The following ENPP3 variants were observed in gnomAD, a reference collection of about 807,000 sequenced individuals.
ENPP3 encodes the protein ectonucleotide pyrophosphatase/phosphodiesterase family member 3.
In ENPP3, 104 loss-of-function variants were observed where a neutral mutation model predicts 117.8. The ratio of observed to expected loss-of-function variants is 0.88; its 90% confidence interval spans 0.75 to 1.04. The LOEUF (loss-of-function observed/expected upper bound fraction) is 1.04. Among genes scored for constraint, ENPP3 ranks in the 50% least tolerant of loss-of-function variants. The pLI is 0.00. For missense variants in ENPP3, 1,026 were observed against 1,051.9 expected, an observed-to-expected ratio of 0.98 and a Z score of 0.34; for synonymous variants, 380 against 349.9, an observed-to-expected ratio of 1.09 and a Z score of -0.96.
intron 11 of ENPP3, among the ~76,000 whole-genome samples, chr6:131,681,612 G>A (rs1397414854): frequency 6.6e-6 from 1 of 151,752 alleles, no homozygotes; most frequent in Non-Finnish European, 1.5e-5. Flanking sequence ...AAACACAAAG[G>A]CAGTGAGTAT....
Position 131,676,779 on chromosome 6 carries a change from C to T in ENPP3, c.916C>T (p.Leu306=), listed in dbSNP as rs567621729. 4.5e-5 allele frequency: 72 copies of T among 1,610,582 alleles called. No individual in the cohort carries two copies. In the Admixed American group the frequency reaches 1.1e-3, roughly 24 times the overall value. ...GAGGATTTCTACACTGTTAAAATGG[C>T]TGGACCTGCCCAAAGCTGAAAGGTA... The part of the protein sequence containing the change: ...EERISTLLKW[L]DLPKAERPRF... The change falls in exon 10 of 25, where the codon CTG becomes TTG. Residue 306 remains leucine, a synonymous_variant. Transcript: ENST00000357639.
intron 6 of ENPP3, among the ~76,000 whole-genome samples, chr6:131,662,241 T>C (rs1778518049): frequency 6.6e-6 from 1 of 151,930 alleles, no homozygotes; most frequent in African/African-American, 2.4e-5. Flanking sequence ...ATTTCTGAGA[T>C]CTCTATTCTT....
At chr6:131,745,765 A>G (rs1468240329) in intron 24 of ENPP3, among the ~76,000 whole-genome samples, 3 of 152,206 alleles carry the variant, frequency 2.0e-5, no homozygotes, top group Admixed American at 6.5e-5. Flanking sequence ...TGCCTATAGA[A>G]CTGTAAATTG....
Position 131,687,198 on chromosome 6 carries a change from C to T in ENPP3, c.1284+1291C>T, listed in dbSNP as rs143263891. 7.2e-5 allele frequency among the ~76,000 whole-genome samples: 11 copies of T among 152,122 alleles called. No individual in the cohort carries two copies. The East Asian group carries it at 9.7e-4, about 13-fold the overall frequency. On this transcript the variant is annotated intron_variant, in intron 14 of 24. Coordinates refer to ENST00000357639, the MANE Select transcript of ENPP3 (RefSeq NM_005021.5). ...CGTCTATTGTTTTTTGACTTTTTAG[C>T]GGTGGCCATTCTGACTAGTGTGAGA...
intron 20 of ENPP3, among the ~76,000 whole-genome samples, chr6:131,730,740 C>T (rs974414140): frequency 6.6e-6 from 1 of 152,104 alleles, no homozygotes; most frequent in African/African-American, 2.4e-5. Flanking sequence ...CATGGCAAAA[C>T]CCTGTTTCTA....
At chr6:131,715,929 G>T (rs1045033206) in intron 15 of ENPP3, among the ~76,000 whole-genome samples, 2 of 152,182 alleles carry the variant, frequency 1.3e-5, no homozygotes, top group Non-Finnish European at 2.9e-5. Flanking sequence ...ACCCATAAGC[G>T]CATTCTGGGT....
At chr6:131,732,448 C>T (rs79430114) in intron 20 of ENPP3, among the ~76,000 whole-genome samples, 1,606 of 152,030 alleles carry the variant, frequency 0.011, 21 homozygotes, top group African/African-American at 0.033. Flanking sequence ...AGTCTCTCTC[C>T]GTTGCCCAGG....
Position 131,733,604 on chromosome 6 carries a change from T to G in ENPP3, c.1970T>G (p.Leu657Arg). The G allele has an allele frequency of 6.2e-7, 1 of 1,613,250 alleles. No individual in the cohort carries two copies. Among genetic ancestry groups the G allele is most frequent in the South Asian group, 1.1e-5 (1 of 90,942 alleles). ...TVPQLGDTSP[L>R]PPTVPDCLRA... ...TTTGAACAGGGAGACACATCGCCTC[T>G]GCCTCCCACTGTCCCAGACTGTCTG... The change falls in exon 21 of 25, where the codon CTG (leucine) becomes CGG (arginine). Residue 657 changes from leucine to arginine, a missense_variant. Coordinates refer to ENST00000357639, the MANE Select transcript of ENPP3 (RefSeq NM_005021.5).
intron 23 of ENPP3, among the ~76,000 whole-genome samples, chr6:131,739,780 A>G (rs1438385164): frequency 6.6e-6 from 1 of 151,686 alleles, no homozygotes; most frequent in East Asian, 1.9e-4. Context: ...CTATATAAAG[A>G]CATTTATTGG....
intron 6 of ENPP3, among the ~76,000 whole-genome samples, chr6:131,667,131 G>A (rs1048095599): frequency 5.9e-5 from 9 of 152,082 alleles, no homozygotes; most frequent in African/African-American, 2.2e-4. Context: ...TGGTCGTGGG[G>A]CTTTTTTTTT....
At chr6:131,649,971 G>T in intron 2 of ENPP3, 56 bp from the exon 3 acceptor site, 1 of 1,601,674 alleles carries the variant, frequency 6.2e-7, no homozygotes, top group East Asian at 2.2e-5. Flanking sequence ...CACTGCTTAG[G>T]TATGAGATAT....
At position 131,694,066 on chromosome 6, in the gene ENPP3, TTTC is replaced by T. The variant is rs1779349059; in HGVS notation, c.1412+445_1412+447del. Among the ~76,000 whole-genome samples the T allele has an allele frequency of 2.6e-5, 4 of 152,248 alleles. No individual in the cohort carries two copies. The South Asian group carries it at 8.3e-4, about 31-fold the overall frequency. ...GCTAATGAATTAGTTGTAACATTTA[TTTC>T]TTATTACTATTTATAATGGTAATTT... On this transcript the variant is annotated intron_variant, in intron 15 of 24. Transcript: ENST00000357639.
chr6:131,727,711 A>G (rs1780188337), intron 20 of ENPP3, among the ~76,000 whole-genome samples: 1 of 152,210 alleles, frequency 6.6e-6, no homozygotes, highest in Non-Finnish European at 1.5e-5. Flanking sequence ...GCATTGAATG[A>G]ATTAACCACA....
chr6:131,697,626 C>T (rs1236049332), intron 15 of ENPP3, among the ~76,000 whole-genome samples: 2 of 151,780 alleles, frequency 1.3e-5, no homozygotes, highest in Non-Finnish European at 2.9e-5. Context: ...AGTGATTGGT[C>T]ATCAGGCGTT....
At chr6:131,713,259 T>A (rs1300704943) in intron 15 of ENPP3, among the ~76,000 whole-genome samples, 1 of 147,558 alleles carries the variant, frequency 6.8e-6, no homozygotes, top group African/African-American at 2.6e-5. Flanking sequence ...CTCTTTCTTT[T>A]ATAAATTACC....
intron 14 of ENPP3, among the ~76,000 whole-genome samples, chr6:131,691,818 A>G (rs564725021): frequency 9.9e-5 from 15 of 152,274 alleles, no homozygotes; most frequent in Admixed American, 9.8e-4. Context: ...GAAGCTGCAT[A>G]CTCAGCAGCT....
chr6:131,672,608 T>G (rs1008466915), intron 7 of ENPP3, among the ~76,000 whole-genome samples: 2 of 152,120 alleles, frequency 1.3e-5, no homozygotes, highest in Non-Finnish European at 2.9e-5. Flanking sequence ...TAATCATTAA[T>G]TTAGTGTTCA....
intron 17 of ENPP3, among the ~76,000 whole-genome samples, chr6:131,720,827 T>C (rs144255169): frequency 1.3e-3 from 200 of 152,266 alleles, no homozygotes; most frequent in African/African-American, 4.5e-3. Flanking sequence ...TCAAGTGATC[T>C]GCCCACCTTG....
Position 131,746,912 on chromosome 6 carries a change from T to G in ENPP3, c.2584T>G (p.Leu862Val), listed in dbSNP as rs765270832. ...QDKVQPVSEI[L>V]QLKTYLPTFE... is the part of the protein sequence containing the mutation. ...TAAAGTGCAGCCTGTCTCTGAAATTTTGCAACTAAAGACATATTTACCAAC... is the reference window on the plus strand; with the variant it reads ...TAAAGTGCAGCCTGTCTCTGAAATTGTGCAACTAAAGACATATTTACCAAC... The change falls in exon 25 of 25, where the codon TTG (leucine) becomes GTG (valine). Residue 862 changes from leucine (L) to valine (V), a missense_variant. Leu to Val is a conservative substitution (Grantham distance 32). Transcript: ENST00000357639. The G allele has an allele frequency of 6.2e-7, 1 of 1,611,164 alleles. No homozygotes were observed. Among genetic ancestry groups the G allele is most frequent in the Non-Finnish European group, 8.5e-7 (1 of 1,178,374 alleles).
Sources: allele counts gnomAD v4.1 joint callset (sites outside exome capture counted in the v4.1 genomes callset), GRCh38; gene constraint gnomAD v4.1.1; transcripts MANE v1.5; gene names NCBI Gene and HGNC (gene_info 2026-07-23, HGNC 2026-07-21).